Variants in RBM25 observed in about 807,000 individuals in gnomAD.
The protein encoded by RBM25 is RNA binding motif protein 25.
Under a neutral mutation model 120.7 loss-of-function variants are expected in RBM25, and 19 were observed. The ratio of observed to expected loss-of-function variants is 0.16; its 90% CI spans 0.11 to 0.23. RBM25 has a LOEUF of 0.23. Among genes scored for constraint, RBM25 ranks in the 10% least tolerant of loss-of-function variants. The probability of loss-of-function intolerance (pLI) is 1.00; values close to 1 mark genes in which losing one functional copy is unlikely to be tolerated. For missense variants in RBM25, 605 were observed against 1,041.5 expected, an observed-to-expected ratio of 0.58 and a Z score of 5.77; for synonymous variants, 390 against 326.7, an observed-to-expected ratio of 1.19 and a Z score of -2.09.
At chr14:73,068,321 T>C (rs1895191703) in intron 1 of RBM25, 1 of 763,104 alleles carries the variant, frequency 1.3e-6, no homozygotes, top group South Asian at 1.4e-5. Context: ...GATTTCATGG[T>C]TGGAAGGTGT....
At chr14:73,100,241 T>C in intron 9 of RBM25, 1 of 640,030 alleles carries the variant, frequency 1.6e-6, no homozygotes, top group Non-Finnish European at 2.9e-6. Context: ...TTTAGATGCA[T>C]GGAAGAACTG....
At chr14:73,090,043 G>GA (rs1368037956) in intron 6 of RBM25, among the ~76,000 whole-genome samples, 1 of 151,428 alleles carries the variant, frequency 6.6e-6, no homozygotes, top group Non-Finnish European at 1.5e-5. Context: ...ATTTCTTACA[G>GA]AAAAAAGTAC....
Position 73,109,488 on chromosome 14 carries a change from A to G in RBM25, c.1688A>G (p.Gln563Arg). Residue 563 changes from glutamine to arginine, a missense_variant, in exon 14 of 19, where the codon CAG becomes CGG. Physicochemically the swap from Gln to Arg is conservative, Grantham distance 43 (BLOSUM62 1). Transcript: ENST00000261973. Reference sequence around the variant, plus strand: ...CATCCAGATCCAGATGCAGAGCTCCAGAGGGTAAGATACTGTACCATCTGG... The same window carrying G: ...CATCCAGATCCAGATGCAGAGCTCCGGAGGGTAAGATACTGTACCATCTGG... The part of the protein sequence containing the change: ...EGHPDPDAEL[Q>R]RMEQEAERRR... 1 of 1,613,926 alleles carries G rather than the reference A, an allele frequency of 6.2e-7. No homozygotes were observed. The highest frequency in any genetic ancestry group is 2.2e-5 in the East Asian group (1 of 44,874).
intron 4 of RBM25, among the ~76,000 whole-genome samples, chr14:73,078,092 C>T (rs1434533783): frequency 6.6e-6 from 1 of 152,032 alleles, no homozygotes; most frequent in African/African-American, 2.4e-5. Flanking sequence ...CATTTGTGGT[C>T]AGGAGTTCGA....
At chr14:73,059,696 A>G (rs1055731512) in intron 1 of RBM25, among the ~76,000 whole-genome samples, 61 of 152,308 alleles carry the variant, frequency 4.0e-4, no homozygotes, top group African/African-American at 1.4e-3. Context: ...TTTAAAGGCT[A>G]TTTCCAAAAA....
At chr14:73,081,811 C>T (rs1043249871) in intron 4 of RBM25, among the ~76,000 whole-genome samples, 39 of 152,282 alleles carry the variant, frequency 2.6e-4, no homozygotes, top group African/African-American at 8.2e-4. Flanking sequence ...TCAGAAGTCC[C>T]GCATCATTCT....
intron 2 of RBM25, among the ~76,000 whole-genome samples, chr14:73,075,917 A>G (rs572822321): frequency 9.2e-5 from 14 of 152,092 alleles, no homozygotes; most frequent in African/African-American, 3.4e-4. Context: ...AAGAGCTGGA[A>G]TTACAGGCGT....
chr14:73,119,787 A>G lies in RBM25; in HGVS notation c.2514A>G (p.Lys838=). Residue 838 remains lysine, a synonymous_variant, in exon 19 of 19, where the codon AAA becomes AAG. Coordinates refer to ENST00000261973, the MANE Select transcript of RBM25 (RefSeq NM_021239.3). ...RLLIYETEAK[K]IGLVK is the part of the protein sequence containing the mutation. Reference sequence around the variant, plus strand: ...TGATATATGAAACAGAAGCCAAGAAAATTGGTCTTGTGAAGTAAAACTTTT... The same window carrying G: ...TGATATATGAAACAGAAGCCAAGAAGATTGGTCTTGTGAAGTAAAACTTTT... The G allele has an allele frequency of 6.2e-7, 1 of 1,609,174 alleles. No individual in the cohort carries two copies. The highest frequency in any genetic ancestry group is 8.5e-7 in the Non-Finnish European group (1 of 1,178,882).
chr14:73,078,678 C>T (rs1257468759), intron 4 of RBM25, among the ~76,000 whole-genome samples: 2 of 152,186 alleles, frequency 1.3e-5, no homozygotes, highest in Non-Finnish European at 2.9e-5. Flanking sequence ...CATCTTGGCT[C>T]ACTGCAAACT....
chr14:73,088,413 C>G (rs1316787048), intron 6 of RBM25: 1 of 594,436 alleles, frequency 1.7e-6, no homozygotes, highest in Admixed American at 2.1e-5. Flanking sequence ...GGTTAACTTG[C>G]CAGAGAAAGC....
intron 4 of RBM25, among the ~76,000 whole-genome samples, chr14:73,078,421 T>C (rs1895476295): frequency 1.3e-5 from 2 of 151,612 alleles, no homozygotes; most frequent in African/African-American, 4.8e-5. Flanking sequence ...AGTCTAGGAG[T>C]TGAAGGCTGC....
At chr14:73,086,504 G>C (rs1245054444) in intron 5 of RBM25, among the ~76,000 whole-genome samples, 1 of 151,202 alleles carries the variant, frequency 6.6e-6, no homozygotes, top group Non-Finnish European at 1.5e-5. Flanking sequence ...TACTAATTCA[G>C]ATTCAGGACT....
In RBM25 at chr14:73,089,198, T is replaced by TA. The variant is rs199532419; in HGVS notation, c.543+1046dup. On this transcript the variant is annotated intron_variant, in intron 6 of 18. Transcript: ENST00000261973. ...TTCATGTTCCCTCCAAGTTCTTTGTTAAAAAAAAATAAAAACCAAACCCAA... is the reference window on the plus strand; with the variant it reads ...TTCATGTTCCCTCCAAGTTCTTTGTTAAAAAAAAAATAAAAACCAAACCCAA... Among the ~76,000 whole-genome samples the TA allele has an allele frequency of 1.0e-3, 153 of 151,080 alleles. 1 individual carries two copies. Among genetic ancestry groups the TA allele is most frequent in the African/African-American group, 1.1e-3 (45 of 41,194 alleles).
At chr14:73,065,803 C>T (rs1035941774) in intron 1 of RBM25, among the ~76,000 whole-genome samples, 9 of 152,070 alleles carry the variant, frequency 5.9e-5, no homozygotes, top group African/African-American at 2.2e-4. Flanking sequence ...GATCTGCCCG[C>T]CTTGGCCTCC....
chr14:73,063,051 A>G (rs1895041840), intron 1 of RBM25, among the ~76,000 whole-genome samples: 1 of 151,216 alleles, frequency 6.6e-6, no homozygotes, highest in South Asian at 2.1e-4. Flanking sequence ...TGAACTCCTG[A>G]GCTCAAGTGA....
chr14:73,113,253 T>G (rs1192373175), intron 17 of RBM25, among the ~76,000 whole-genome samples: 1 of 151,972 alleles, frequency 6.6e-6, no homozygotes, highest in Non-Finnish European at 1.5e-5. Flanking sequence ...ACCAGGCTAA[T>G]TTTTTGTATT....
At chr14:73,065,464 C>T (rs1031281904) in intron 1 of RBM25, among the ~76,000 whole-genome samples, 4 of 144,416 alleles carry the variant, frequency 2.8e-5, no homozygotes, top group South Asian at 2.2e-4. Flanking sequence ...CTTGCTCTGT[C>T]GCCAAGGTGG....
intron 10 of RBM25, 118 bp downstream of exon 10, chr14:73,103,596 C>CA (rs1288535591): frequency 7.2e-7 from 1 of 1,397,568 alleles, no homozygotes; most frequent in Non-Finnish European, 9.4e-7. Context: ...GAGACATTCT[C>CA]ACTCTGTCAC....
At chr14:73,091,398 GAGATGA>G (rs1438124659) in intron 6 of RBM25, among the ~76,000 whole-genome samples, 2 of 152,180 alleles carry the variant, frequency 1.3e-5, no homozygotes, top group African/African-American at 4.8e-5. Context: ...ATTTTTTGTT[GAGATGA>G]AGTTTCACTG....
Sources: gnomAD v4.1 joint callset for allele counts (sites outside exome capture counted in the v4.1 genomes callset) on GRCh38, gnomAD v4.1.1 for gene constraint, MANE v1.5 for transcripts, NCBI Gene and HGNC (gene_info 2026-07-23, HGNC 2026-07-21) for gene names.